The following RAB3B variants were observed in gnomAD, a reference collection of about 807,000 sequenced individuals.
The protein encoded by RAB3B is RAB3B, member RAS oncogene family, also known as ras-related protein Rab-3B.
A neutral mutation model predicts 20.5 loss-of-function variants in RAB3B; 11 were observed. The ratio of observed to expected loss-of-function variants is 0.54; its 90% CI spans 0.34 to 0.89. RAB3B has a LOEUF of 0.89. Ranked by LOEUF, RAB3B falls within the 40% of genes least tolerant of loss-of-function variation. The probability of loss-of-function intolerance (pLI) is 0.02; values close to 1 mark genes in which losing one functional copy is unlikely to be tolerated. For synonymous variants in RAB3B, 99 were observed against 106.3 expected, an observed-to-expected ratio of 0.93 and a Z score of 0.42; for missense variants, 225 against 280.9, an observed-to-expected ratio of 0.80 and a Z score of 1.42.
chr1:51,931,133 C>T (rs571236442), intron 4 of RAB3B, among the ~76,000 whole-genome samples: 45 of 152,176 alleles, frequency 3.0e-4, no homozygotes, highest in Admixed American at 2.2e-3. Flanking sequence ...ATTCCAGTGG[C>T]GTGAGTCCCC....
chr1:51,949,063 T>C (rs1684600554), intron 2 of RAB3B, among the ~76,000 whole-genome samples: 1 of 151,992 alleles, frequency 6.6e-6, no homozygotes, highest in Non-Finnish European at 1.5e-5. Context: ...CAAGATGGAG[T>C]CCAAGCTTCT....
In RAB3B at chr1:51,914,709, A is replaced by G. The variant is rs1371899981; in HGVS notation, c.*5218T>C. On this transcript the variant is annotated 3_prime_UTR_variant, in exon 5 of 5. Transcript: ENST00000371655. ...CCACAGGATGCTACTTGATTCCCCA[A>G]CTATGGCAGGTAATTGGGTGTAGGC... 2 of 152,162 alleles carry G rather than the reference A, an allele frequency of 1.3e-5. No homozygotes were observed. Among genetic ancestry groups the G allele is most frequent in the Non-Finnish European group, 2.9e-5 (2 of 68,030 alleles). The allele number at this position is 152,162 out of a possible 1,614,324, so 9.4% of individuals were successfully genotyped here.
At chr1:51,965,424 G>A (rs898080172) in intron 2 of RAB3B, among the ~76,000 whole-genome samples, 7 of 151,794 alleles carry the variant, frequency 4.6e-5, no homozygotes, top group African/African-American at 1.7e-4. Flanking sequence ...TGAGGTGGGT[G>A]GATCACGAGG....
rs1456820717 is a variant in RAB3B, at chr1:51,910,799, C to T, written c.*9128G>A. 6.6e-6 allele frequency: 1 copy of T among 152,120 alleles called. No homozygotes were observed. Among genetic ancestry groups the T allele is most frequent in the Non-Finnish European group, 1.5e-5 (1 of 68,032 alleles). The allele number at this position is 152,120 out of a possible 1,614,324, so 9.4% of individuals were successfully genotyped here. The stretch of plus-strand genomic sequence containing the variant: ...CAAGCTGCACAGCCTCTTAACAGTC[C>T]ACTGTTAACCCCAGAAACAGATGCA... On this transcript the variant is annotated 3_prime_UTR_variant, in exon 5 of 5. Transcript: ENST00000371655.
chr1:51,954,232 A>G (rs757736478), intron 2 of RAB3B, among the ~76,000 whole-genome samples: 4 of 152,254 alleles, frequency 2.6e-5, no homozygotes, highest in Non-Finnish European at 4.4e-5. Context: ...CATCTTTTGT[A>G]TAAAGTACAA....
chr1:51,972,963 T>C (rs1236828534), intron 2 of RAB3B, among the ~76,000 whole-genome samples: 1 of 152,220 alleles, frequency 6.6e-6, no homozygotes, highest in Non-Finnish European at 1.5e-5. Context: ...TGAGGTATAA[T>C]TGATACACAA....
At position 51,925,486 on chromosome 1, in the gene RAB3B, C is replaced by T. The variant is rs536179027; in HGVS notation, c.473-5372G>A. Reference sequence around the variant, plus strand: ...GAGGTCTGATCAATTCAATATCCAGCCTCACTGGCTGAACACCCAAGACCT... The same window carrying T: ...GAGGTCTGATCAATTCAATATCCAGTCTCACTGGCTGAACACCCAAGACCT... On this transcript the variant is annotated intron_variant, in intron 4 of 4. Transcript: ENST00000371655. 2.6e-5 allele frequency among the ~76,000 whole-genome samples: 4 copies of T among 152,336 alleles called. No individual in the cohort carries two copies. In the East Asian group the frequency reaches 7.7e-4, roughly 29 times the overall value.
At chr1:51,936,155 T>C (rs1353152562) in intron 3 of RAB3B, among the ~76,000 whole-genome samples, 2 of 152,178 alleles carry the variant, frequency 1.3e-5, no homozygotes, top group Non-Finnish European at 2.9e-5. Flanking sequence ...CTGCTCAGCC[T>C]CTCCGATTCT....
intron 3 of RAB3B, among the ~76,000 whole-genome samples, chr1:51,936,063 G>A (rs920535160): frequency 2.6e-5 from 4 of 152,130 alleles, no homozygotes; most frequent in Admixed American, 6.5e-5. Flanking sequence ...TGGGAGAAGC[G>A]AAGTCCTCGA....
rs572816166 is a variant in RAB3B at position 51,908,966 on chromosome 1, T to C, written c.*10961A>G. The C allele has an allele frequency of 6.6e-6, 1 of 152,452 alleles. No individual in the cohort carries two copies. The highest frequency in any genetic ancestry group is 6.5e-5 in the Admixed American group (1 of 15,284). The allele number at this position is 152,452 out of a possible 1,614,324, so 9.4% of individuals were successfully genotyped here. ...ATGATCGATGATTTTTGTTATAATA[T>C]TTGAATCACGGTGCATACAAACTCT... is the stretch of plus-strand genomic sequence containing the variant. On this transcript the variant is annotated 3_prime_UTR_variant, in exon 5 of 5. Coordinates refer to ENST00000371655, the MANE Select transcript of RAB3B (RefSeq NM_002867.4).
At chr1:51,940,947 C>A (rs1684485209) in intron 2 of RAB3B, among the ~76,000 whole-genome samples, 1 of 151,842 alleles carries the variant, frequency 6.6e-6, no homozygotes, top group South Asian at 2.1e-4. Flanking sequence ...ATTTCACTGG[C>A]CAAAGCAAGT....
Position 51,920,097 on chromosome 1 carries a change from C to T in RAB3B, c.490G>A (p.Ala164Thr). ...AEQLGFDFFE[A>T]SAKENISVRQ... ...ACACTGATGTTCTCCTTTGCACTGGCTTCAAAGAAATCAAACCCTGGAAAG... is the reference window on the plus strand; with the variant it reads ...ACACTGATGTTCTCCTTTGCACTGGTTTCAAAGAAATCAAACCCTGGAAAG... The change falls in exon 5 of 5, where the codon GCC (alanine) becomes ACC (threonine). Residue 164 changes from alanine to threonine, a missense_variant. Coordinates refer to ENST00000371655, the MANE Select transcript of RAB3B (RefSeq NM_002867.4). 1.2e-6 allele frequency: 2 copies of T among 1,609,678 alleles called. No homozygotes were observed. The highest frequency in any genetic ancestry group is 8.5e-7 in the Non-Finnish European group (1 of 1,177,004).
At chr1:51,920,392 T>A (rs1684156351) in intron 4 of RAB3B, among the ~76,000 whole-genome samples, 1 of 152,222 alleles carries the variant, frequency 6.6e-6, no homozygotes, top group South Asian at 2.1e-4. Context: ...AATTTCCTGG[T>A]TTGTAAAAAG....
intron 1 of RAB3B, among the ~76,000 whole-genome samples, chr1:51,981,816 T>C (rs1010993593): frequency 6.6e-6 from 1 of 152,168 alleles, no homozygotes; most frequent in Non-Finnish European, 1.5e-5. Flanking sequence ...CATATTTGTG[T>C]TGATGCTGGT....
chr1:51,952,762 T>C (rs1684657488), intron 2 of RAB3B, among the ~76,000 whole-genome samples: 1 of 147,568 alleles, frequency 6.8e-6, no homozygotes, highest in South Asian at 2.1e-4. Context: ...TAATATAACC[T>C]TTTTGTTGCC....
intron 2 of RAB3B, among the ~76,000 whole-genome samples, chr1:51,946,822 AC>A (rs1047705601): frequency 6.6e-6 from 1 of 152,200 alleles, no homozygotes; most frequent in African/African-American, 2.4e-5. Flanking sequence ...TTTTCAAAAA[AC>A]CCTTCTGAAA....
At chr1:51,978,710 T>C (rs764742204) in intron 1 of RAB3B, among the ~76,000 whole-genome samples, 2 of 152,174 alleles carry the variant, frequency 1.3e-5, no homozygotes, top group Non-Finnish European at 2.9e-5. Context: ...GATGGCTGGA[T>C]GAGTGGTCAG....
chr1:51,968,652 A>T (rs1684888373), intron 2 of RAB3B, among the ~76,000 whole-genome samples: 1 of 152,148 alleles, frequency 6.6e-6, no homozygotes, highest in Non-Finnish European at 1.5e-5. Context: ...AGCTATTCTT[A>T]TATTACTGGC....
chr1:51,920,157 T>G, intron 4 of RAB3B, 43 bp from the exon 5 acceptor site: 1 of 1,546,422 alleles, frequency 6.5e-7, no homozygotes, highest in Non-Finnish European at 8.8e-7. Context: ...TCCCATCCCT[T>G]CTGCTGGAAC....
Sources: allele counts gnomAD v4.1 joint callset (sites outside exome capture counted in the v4.1 genomes callset), GRCh38; gene constraint gnomAD v4.1.1; transcripts MANE v1.5; gene names NCBI Gene and HGNC (gene_info 2026-07-23, HGNC 2026-07-21).